RBFOX1: variants seen among roughly 807,000 people sequenced by gnomAD.
The protein encoded by RBFOX1 is RNA binding fox-1 homolog 1.
A neutral mutation model predicts 57.7 loss-of-function variants in RBFOX1; 8 were observed. The ratio of observed to expected loss-of-function variants is 0.14; its 90% confidence interval spans 0.08 to 0.25. The LOEUF (loss-of-function observed/expected upper bound fraction) is 0.25, where lower values mean the gene tolerates loss of function less well. Ranked by LOEUF, RBFOX1 falls within the 10% of genes least tolerant of loss-of-function variation. The pLI, the probability that RBFOX1 is intolerant of heterozygous loss-of-function variation, is 1.00. For missense variants in RBFOX1, 611 were observed against 548.5 expected (o/e 1.11, Z -1.14); for synonymous variants, 326 against 222.4 (o/e 1.47, Z -4.15).
intron 4 of RBFOX1, among the ~76,000 whole-genome samples, chr16:7,366,310 A>G (rs771263058): frequency 2.0e-5 from 3 of 152,198 alleles, no homozygotes; most frequent in African/African-American, 4.8e-5. Context: ...CCATTGCCAG[A>G]TCGTTGAGCA....
At chr16:7,438,770 C>T (rs1172800127) in intron 4 of RBFOX1, among the ~76,000 whole-genome samples, 2 of 152,096 alleles carry the variant, frequency 1.3e-5, no homozygotes, top group African/African-American at 2.4e-5. Context: ...CCACAGTGAG[C>T]GCCTGTCAAT....
At chr16:5,742,324 C>T (rs1323723892) in intron 3 of RBFOX1, among the ~76,000 whole-genome samples, 1 of 150,034 alleles carries the variant, frequency 6.7e-6, no homozygotes, top group African/African-American at 2.5e-5. Context: ...CCCTCCCTTC[C>T]TCCCTTCCTT....
At chr16:5,379,140 G>T (rs930001621) in intron 1 of RBFOX1, among the ~76,000 whole-genome samples, 1 of 151,622 alleles carries the variant, frequency 6.6e-6, no homozygotes, top group Non-Finnish European at 1.5e-5. Context: ...ACCTCATGCC[G>T]TTAGGAGCCA....
At chr16:7,427,789 G>C (rs921774776) in intron 4 of RBFOX1, among the ~76,000 whole-genome samples, 4 of 152,032 alleles carry the variant, frequency 2.6e-5, no homozygotes, top group Non-Finnish European at 5.9e-5. Context: ...GAGTAGCTGG[G>C]ATTACAGGCA....
At chr16:7,108,392 A>G (rs2064000101) in intron 4 of RBFOX1, among the ~76,000 whole-genome samples, 1 of 152,226 alleles carries the variant, frequency 6.6e-6, no homozygotes, top group Non-Finnish European at 1.5e-5. Flanking sequence ...TACAAGTTGA[A>G]GTGTAATGCA....
chr16:6,634,720 A>AAGACAAAG (rs747259880), intron 2 of RBFOX1, among the ~76,000 whole-genome samples: 1 of 140,648 alleles, frequency 7.1e-6, no homozygotes, highest in East Asian at 2.0e-4. Flanking sequence ...TTAAATATAT[A>AAGACAAAG]ATACAAAGAT....
chr16:6,958,948 C>T (rs955056656), intron 3 of RBFOX1, among the ~76,000 whole-genome samples: 2 of 151,788 alleles, frequency 1.3e-5, no homozygotes, highest in South Asian at 4.2e-4. Flanking sequence ...CAGCATGGTT[C>T]TATGTAAAGT....
At chr16:6,056,610 A>G (rs1174474873) in intron 1 of RBFOX1, among the ~76,000 whole-genome samples, 3 of 152,188 alleles carry the variant, frequency 2.0e-5, no homozygotes, top group Non-Finnish European at 4.4e-5. Flanking sequence ...TGGTGGGTCT[A>G]TAGCTGTTAC....
chr16:6,818,798 C>T (rs144448484), intron 3 of RBFOX1, among the ~76,000 whole-genome samples: 127 of 152,308 alleles, frequency 8.3e-4, no homozygotes, highest in African/African-American at 2.9e-3. Flanking sequence ...GCCATTTCAT[C>T]CTCCTGGCCT....
At chr16:7,245,046 A>C (rs746363305) in intron 4 of RBFOX1, among the ~76,000 whole-genome samples, 2 of 152,078 alleles carry the variant, frequency 1.3e-5, no homozygotes, top group African/African-American at 4.8e-5. Context: ...AATATACCAG[A>C]CTTTCTGATT....
At chr16:5,753,179 T>C (rs1272412107) in intron 3 of RBFOX1, among the ~76,000 whole-genome samples, 1 of 150,850 alleles carries the variant, frequency 6.6e-6, no homozygotes, top group Non-Finnish European at 1.5e-5. Flanking sequence ...AAAGTGAAAA[T>C]GCTTGTGTGT....
chr16:7,573,753 T>G (rs1400894683), intron 5 of RBFOX1, among the ~76,000 whole-genome samples: 1 of 151,852 alleles, frequency 6.6e-6, no homozygotes, highest in East Asian at 1.9e-4. Context: ...GAAAATTGCT[T>G]GAACCCGGGA....
intron 4 of RBFOX1, among the ~76,000 whole-genome samples, chr16:7,354,967 A>T (rs1568376770): frequency 6.6e-6 from 1 of 152,200 alleles, no homozygotes; most frequent in Non-Finnish European, 1.5e-5. Flanking sequence ...TCGAATGCTG[A>T]AACATGACAA....
chr16:7,051,947 A>G, intron 3 of RBFOX1, 110 bp from the exon 4 acceptor site: 1 of 1,468,868 alleles, frequency 6.8e-7, no homozygotes. Context: ...TAATTAATTA[A>G]TTATGGGTTT....
chr16:7,536,833 G>T (rs1031386988), intron 5 of RBFOX1, among the ~76,000 whole-genome samples: 1 of 152,234 alleles, frequency 6.6e-6, no homozygotes, highest in East Asian at 1.9e-4. Flanking sequence ...CAATGCTACA[G>T]ATGAGGGCTT....
Position 7,420,565 on chromosome 16 carries a change from A to T in RBFOX1, c.28-97582A>T, listed in dbSNP as rs920697150. On this transcript the variant is annotated intron_variant, in intron 4 of 15. Coordinates refer to ENST00000550418, the MANE Select transcript of RBFOX1 (RefSeq NM_018723.4). ...GCAAGAGCTTTCCTCAAGAATATTG[A>T]ATTATTTATTATTTGTATCTTTTTT... Among the ~76,000 whole-genome samples, 4 of 152,032 alleles carry T rather than the reference A, an allele frequency of 2.6e-5. No homozygotes were observed. The South Asian group carries it at 8.3e-4, about 32-fold the overall frequency.
chr16:6,194,423 C>T (rs1359566302), intron 1 of RBFOX1, among the ~76,000 whole-genome samples: 1 of 152,166 alleles, frequency 6.6e-6, no homozygotes, highest in African/African-American at 2.4e-5. Flanking sequence ...TATGACCAAG[C>T]TTAGTAACGT....
chr16:7,583,576 T>G (rs1335793798), intron 6 of RBFOX1, among the ~76,000 whole-genome samples: 2 of 152,230 alleles, frequency 1.3e-5, no homozygotes, highest in African/African-American at 4.8e-5. Flanking sequence ...TGGATGGATG[T>G]TCTGGATGCC....
chr16:7,173,940 G>A (rs1177104703), intron 4 of RBFOX1, among the ~76,000 whole-genome samples: 1 of 152,272 alleles, frequency 6.6e-6, no homozygotes, highest in Middle Eastern at 3.4e-3. Flanking sequence ...CCTGGGTGAC[G>A]CAGAGAAACG....
Sources: gnomAD v4.1 joint callset for allele counts (sites outside exome capture counted in the v4.1 genomes callset) on GRCh38, gnomAD v4.1.1 for gene constraint, MANE v1.5 for transcripts, NCBI Gene and HGNC (gene_info 2026-07-23, HGNC 2026-07-21) for gene names.